Variants in SEPTIN12 observed in about 807,000 individuals in gnomAD.
SEPTIN12 encodes the protein septin-12.
In SEPTIN12, 42 loss-of-function variants were observed where a neutral mutation model predicts 37.7. The ratio of observed to expected loss-of-function variants is 1.11; its 90% CI spans 0.87 to 1.44. SEPTIN12 has a LOEUF of 1.44. Ranked by LOEUF, SEPTIN12 falls within the 40% of genes most tolerant of loss-of-function variation. SEPTIN12 has a pLI of 0.00. For synonymous variants in SEPTIN12, 254 were observed against 196.7 expected (o/e 1.29, Z -2.44); for missense variants, 613 against 479.2 (o/e 1.28, Z -2.61).
intron 2 of SEPTIN12, among the ~76,000 whole-genome samples, chr16:4,786,377 C>T (rs1179923998): frequency 1.2e-4 from 17 of 140,902 alleles, no homozygotes; most frequent in East Asian, 2.1e-4. Context: ...TTTTTTGAGA[C>T]GCAGTCTCGC....
upstream of SEPTIN12, among the ~76,000 whole-genome samples, chr16:4,791,026 GTGA>G: frequency 6.6e-6 from 1 of 152,330 alleles, no homozygotes; most frequent in East Asian, 1.9e-4. Context: ...AATGGCTCTG[GTGA>G]TGGTGACGTG....
chr16:4,787,350 C>T lies in SEPTIN12; in HGVS notation c.166+130G>A, dbSNP rs1469893856. On this transcript the variant is annotated intron_variant, in intron 2 of 9. Transcript: ENST00000268231. ...TCTCAAATTTTCAATGACAACATCC[C>T]TGTGAGGTGCTATTATCAGGCCCAC... The T allele has an allele frequency of 2.1e-5, 18 of 839,164 alleles. No individual in the cohort carries two copies. The East Asian group carries it at 4.3e-4, about 20-fold the overall frequency. 52.0% of individuals were successfully genotyped at this position (839,164 alleles called of 1,614,324 possible).
rs929551479 is a variant in SEPTIN12, at chr16:4,786,423, C to T, written c.167-318G>A. Among the ~76,000 whole-genome samples the T allele has an allele frequency of 1.3e-4, 19 of 150,626 alleles. 1 individual carries two copies. In the East Asian group the frequency reaches 1.6e-3, roughly 12 times the overall value. On this transcript the variant is annotated intron_variant, in intron 2 of 9. Coordinates refer to ENST00000268231, the MANE Select transcript of SEPTIN12 (RefSeq NM_144605.5). ...AGGCTGGAGCGCGATGGTGGGATCT[C>T]GGTTCACTGCAAGCTCCGCCTCCCA... is the stretch of plus-strand genomic sequence containing the variant.
rs548595526 is a variant in SEPTIN12 at position 4,785,650 on chromosome 16, G to A, written c.374+157C>T. ...AAATTAGCTGGGCGTGGTGGCGGGC[G>A]CCTGTAATCCCAGCTACTTCGGGAG... On this transcript the variant is annotated intron_variant, in intron 4 of 9. Coordinates refer to ENST00000268231, the MANE Select transcript of SEPTIN12 (RefSeq NM_144605.5). 82 of 603,116 alleles carry A rather than the reference G, an allele frequency of 1.4e-4. No homozygotes were observed. Among genetic ancestry groups the A allele is most frequent in the African/African-American group, 5.4e-4 (29 of 53,916 alleles). The allele number at this position is 603,116 out of a possible 1,614,324, so 37.4% of individuals were successfully genotyped here.
chr16:4,778,054 G>A (rs2082332915), intron 9 of SEPTIN12, 32 bp downstream of exon 9: 4 of 1,613,210 alleles, frequency 2.5e-6, no homozygotes, highest in South Asian at 2.2e-5. Context: ...CCCCTCGCCA[G>A]CCCCCTAGCC....
At chr16:4,783,850 C>A in intron 5 of SEPTIN12, 81 bp downstream of exon 5, 2 of 1,602,018 alleles carry the variant, frequency 1.2e-6, no homozygotes, top group Non-Finnish European at 1.7e-6. Context: ...TGGGGGCAGC[C>A]GGCAGCCCAT....
chr16:4,785,556 C>T (rs2082427807), intron 4 of SEPTIN12, among the ~76,000 whole-genome samples: 1 of 151,830 alleles, frequency 6.6e-6, no homozygotes, highest in Admixed American at 6.6e-5. Flanking sequence ...GGTGGATCAT[C>T]TGAGGTCAGG....
In SEPTIN12 at chr16:4,785,900, G is replaced by A; in HGVS notation, c.293-12C>T. ...CTTCTCCTCTATGACTGTGGAGGGA[G>A]AGCAGAGTCGGGAGAGACTGGACCC... On this transcript the variant is annotated splice_polypyrimidine_tract_variant and intron_variant, in intron 3 of 9. Coordinates refer to ENST00000268231, the MANE Select transcript of SEPTIN12 (RefSeq NM_144605.5). 1 of 1,603,024 alleles carries A rather than the reference G, an allele frequency of 6.2e-7. No homozygotes were observed. The highest frequency in any genetic ancestry group is 1.1e-5 in the South Asian group (1 of 90,810).
At chr16:4,785,213 T>C in intron 4 of SEPTIN12, among the ~76,000 whole-genome samples, 1 of 151,664 alleles carries the variant, frequency 6.6e-6, no homozygotes, top group African/African-American at 2.4e-5. Flanking sequence ...ATTGTGCCAC[T>C]GCACTCTGGC....
intron 1 of SEPTIN12, 172 bp from the exon 2 acceptor site, chr16:4,787,839 G>C (rs749512544): frequency 2.6e-5 from 15 of 579,492 alleles, no homozygotes; most frequent in South Asian, 2.1e-4. Flanking sequence ...AAGGGTGCCT[G>C]TGGGGAGCTG....
chr16:4,778,815 T>C (rs767862511), intron 8 of SEPTIN12, among the ~76,000 whole-genome samples: 42 of 147,020 alleles, frequency 2.9e-4, no homozygotes, highest in Admixed American at 8.3e-4. Context: ...AATATATATA[T>C]ATAGTATAGA....
chr16:4,788,919 G>C (rs577022885), upstream of SEPTIN12: 1 of 152,338 alleles, frequency 6.6e-6, no homozygotes, highest in South Asian at 2.1e-4. Context: ...GTATCTTAGA[G>C]GTTATCACCC....
chr16:4,784,608 A>G (rs2141875348), intron 4 of SEPTIN12, among the ~76,000 whole-genome samples: 1 of 151,406 alleles, frequency 6.6e-6, no homozygotes, highest in Admixed American at 6.6e-5. Context: ...CAACTCTACA[A>G]AAAATACACA....
chr16:4,785,426 G>A (rs557034007), intron 4 of SEPTIN12, among the ~76,000 whole-genome samples: 1 of 151,650 alleles, frequency 6.6e-6, no homozygotes, highest in African/African-American at 2.4e-5. Context: ...AAGGTTGAAG[G>A]GGGAGGGGCA....
intron 4 of SEPTIN12, 108 bp from the exon 5 acceptor site, chr16:4,784,176 C>T (rs1048569340): frequency 3.0e-6 from 4 of 1,324,206 alleles, no homozygotes; most frequent in South Asian, 1.3e-5. Context: ...ACGAATCGTC[C>T]CGGTTGGCCC....
chr16:4,778,024 C>G, intron 9 of SEPTIN12, 26 bp from the exon 10 acceptor site: 1 of 1,612,398 alleles, frequency 6.2e-7, no homozygotes, highest in Non-Finnish European at 8.5e-7. Flanking sequence ...CGGTCAGCCC[C>G]GATGGTGGTG....
chr16:4,777,724 C>G lies in SEPTIN12; in HGVS notation c.*73G>C, dbSNP rs2082326115. 2.8e-6 allele frequency: 3 copies of G among 1,074,778 alleles called. No homozygotes were observed. The South Asian group carries it at 5.1e-5, about 18-fold the overall frequency. The allele number at this position is 1,074,778 out of a possible 1,614,324, so 66.6% of individuals were successfully genotyped here. A position where few individuals can be genotyped will look rare whatever the true frequency, so the allele number is the denominator to read the frequency against. Reference sequence around the variant, plus strand: ...AAGCAAGGCTCACATTTAATAGATGCTCTGGTACATAGGTGTGTGTTGAGA... The same window carrying G: ...AAGCAAGGCTCACATTTAATAGATGGTCTGGTACATAGGTGTGTGTTGAGA... On this transcript the variant is annotated 3_prime_UTR_variant, in exon 10 of 10. Transcript: ENST00000268231.
intron 8 of SEPTIN12, among the ~76,000 whole-genome samples, chr16:4,779,389 T>C (rs1466461079): frequency 6.6e-6 from 1 of 152,142 alleles, no homozygotes; most frequent in Non-Finnish European, 1.5e-5. Context: ...CATCGTAATT[T>C]CCGGCCAGCC....
At chr16:4,779,596 T>C (rs1015763304) in intron 8 of SEPTIN12, 94 bp downstream of exon 8, 4 of 805,790 alleles carry the variant, frequency 5.0e-6, no homozygotes, top group African/African-American at 1.7e-5. Context: ...GGCTTCACCT[T>C]TCTGTGCCCT....
Sources: gnomAD v4.1 joint callset for allele counts (sites outside exome capture counted in the v4.1 genomes callset) on GRCh38, gnomAD v4.1.1 for gene constraint, MANE v1.5 for transcripts, NCBI Gene and HGNC (gene_info 2026-07-23, HGNC 2026-07-21) for gene names.